The following TPRG1 variants were observed in gnomAD, a reference collection of about 807,000 sequenced individuals.
The protein encoded by TPRG1 is tumor protein p63 regulated 1, also known as tumor protein p63-regulated gene 1 protein.
TPRG1 carries 29 observed loss-of-function variants against 29.3 expected under a neutral mutation model. That is an observed-to-expected ratio of 0.99 (90% CI 0.74 to 1.35). The LOEUF (loss-of-function observed/expected upper bound fraction) is 1.35. Among genes scored for constraint, TPRG1 ranks in the 40% most tolerant of loss-of-function variants. The pLI, the probability that TPRG1 is intolerant of heterozygous loss-of-function variation, is 0.00. For synonymous variants in TPRG1, 130 were observed against 116.8 expected, an observed-to-expected ratio of 1.11 and a Z score of -0.73; for missense variants, 327 against 335.0, an observed-to-expected ratio of 0.98 and a Z score of 0.19.
intron 4 of TPRG1, among the ~76,000 whole-genome samples, chr3:189,051,068 T>A (rs1715288145): frequency 6.6e-6 from 1 of 152,142 alleles, no homozygotes; most frequent in African/African-American, 2.4e-5. Context: ...AACATAGTAC[T>A]GGAAGTCCTA....
intron 1 of TPRG1, among the ~76,000 whole-genome samples, chr3:189,199,285 A>G (rs755866713): frequency 6.6e-6 from 1 of 152,236 alleles, no homozygotes; most frequent in African/African-American, 2.4e-5. Flanking sequence ...ACATGATGAT[A>G]TGGGGAAAAC....
chr3:189,207,119 T>G, intron 1 of TPRG1: 2 of 959,338 alleles, frequency 2.1e-6, no homozygotes. Flanking sequence ...GGTTCCTGTC[T>G]CCTGGGATTA....
At chr3:189,139,651 T>G (rs995953455) in intron 3 of TPRG1, among the ~76,000 whole-genome samples, 1 of 151,928 alleles carries the variant, frequency 6.6e-6, no homozygotes, top group Admixed American at 6.6e-5. Context: ...CTCCTTGGCA[T>G]TCTATCAGCT....
intron 1 of TPRG1, among the ~76,000 whole-genome samples, chr3:189,109,392 A>G (rs1307315506): frequency 6.6e-6 from 1 of 152,212 alleles, no homozygotes. Context: ...GTAATCGCTC[A>G]TATGTCCTGG....
intron 4 of TPRG1, among the ~76,000 whole-genome samples, chr3:189,301,522 T>C (rs1030869806): frequency 1.3e-5 from 2 of 152,120 alleles, no homozygotes; most frequent in Non-Finnish European, 2.9e-5. Flanking sequence ...GCAACCATCA[T>C]TGAATCTGTT....
At chr3:189,099,347 A>G (rs1175645871), upstream of TPRG1, among the ~76,000 whole-genome samples, 1 of 152,008 alleles carries the variant, frequency 6.6e-6, no homozygotes, top group East Asian at 1.9e-4. Flanking sequence ...TCTTGCGCTG[A>G]CGAAGTGGAT....
At chr3:189,250,472 T>C (rs968718963) in intron 4 of TPRG1, among the ~76,000 whole-genome samples, 2 of 142,276 alleles carry the variant, frequency 1.4e-5, no homozygotes, top group Admixed American at 7.8e-5. Flanking sequence ...ATGTGCCTCA[T>C]AGATTTCAGG....
At chr3:189,261,857 C>T (rs910818268) in intron 4 of TPRG1, among the ~76,000 whole-genome samples, 2 of 152,082 alleles carry the variant, frequency 1.3e-5, no homozygotes, top group East Asian at 3.9e-4. Context: ...AAGCTAATGC[C>T]CAACTAGTGT....
intron 3 of TPRG1, among the ~76,000 whole-genome samples, chr3:189,006,727 T>G (rs1712306754): frequency 6.6e-6 from 1 of 152,068 alleles, no homozygotes; most frequent in Admixed American, 6.6e-5. Context: ...AAAAATGTAG[T>G]AATTTCTTTA....
chr3:189,119,030 A>C (rs1721515183), intron 1 of TPRG1, among the ~76,000 whole-genome samples: 1 of 152,236 alleles, frequency 6.6e-6, no homozygotes, highest in Non-Finnish European at 1.5e-5. Context: ...AGCCACAGGC[A>C]CTCAGTGGCA....
At chr3:189,265,204 G>A (rs1448188232) in intron 4 of TPRG1, among the ~76,000 whole-genome samples, 1 of 152,158 alleles carries the variant, frequency 6.6e-6, no homozygotes, top group African/African-American at 2.4e-5. Context: ...CAGGATCTTA[G>A]TATGGTTGTC....
At chr3:189,207,189 G>A (rs1734522667) in intron 1 of TPRG1, 187 bp from the exon 2 acceptor site, 1 of 984,236 alleles carries the variant, frequency 1.0e-6, no homozygotes, top group Non-Finnish European at 1.2e-6. Flanking sequence ...GACCTTGCAG[G>A]ATTGTGGATG....
chr3:189,234,360 A>G (rs1388829811), intron 3 of TPRG1, among the ~76,000 whole-genome samples: 5 of 152,252 alleles, frequency 3.3e-5, no homozygotes, highest in Non-Finnish European at 7.3e-5. Flanking sequence ...ACTCTGGCAA[A>G]TAAAAGCATA....
intron 5 of TPRG1, among the ~76,000 whole-genome samples, chr3:189,319,832 G>C (rs1724095642): frequency 6.6e-6 from 1 of 152,062 alleles, no homozygotes; most frequent in Non-Finnish European, 1.5e-5. Flanking sequence ...TTGATCACTA[G>C]ACTTCTGTCT....
chr3:189,288,477 A>G (rs910742366), intron 4 of TPRG1, among the ~76,000 whole-genome samples: 4 of 152,214 alleles, frequency 2.6e-5, no homozygotes, highest in Non-Finnish European at 5.9e-5. Flanking sequence ...CTTGTTTTTT[A>G]AAGGTGCAAA....
At chr3:189,033,328 C>T (rs551821342) in intron 4 of TPRG1, among the ~76,000 whole-genome samples, 1 of 151,832 alleles carries the variant, frequency 6.6e-6, no homozygotes, top group Admixed American at 6.6e-5. Context: ...TTCACCCATG[C>T]CGGAGTGCAG....
At chr3:189,189,520 G>A (rs1731401733) in intron 1 of TPRG1, among the ~76,000 whole-genome samples, 1 of 151,792 alleles carries the variant, frequency 6.6e-6, no homozygotes, top group South Asian at 2.1e-4. Flanking sequence ...GAGATGATGA[G>A]TAAAAAAAAA....
In TPRG1 at chr3:189,214,996, A is replaced by T. The variant is rs578170742; in HGVS notation, c.211-296A>T. On this transcript the variant is annotated intron_variant, in intron 2 of 5. Coordinates refer to ENST00000345063, the MANE Select transcript of TPRG1 (RefSeq NM_198485.4). ...CAGATTCCTAAAGGCTTTGAACTTT[A>T]TAATGCTTGTTTGGGAAAACTGTTC... is the stretch of plus-strand genomic sequence containing the variant. Among the ~76,000 whole-genome samples the T allele has an allele frequency of 1.8e-4, 28 of 152,068 alleles. No homozygotes were observed. The South Asian group carries it at 5.8e-3, about 32-fold the overall frequency.
intron 3 of TPRG1, among the ~76,000 whole-genome samples, chr3:189,147,239 C>G (rs998235749): frequency 2.0e-5 from 3 of 152,176 alleles, no homozygotes; most frequent in African/African-American, 7.2e-5. Flanking sequence ...AAGAGACTTG[C>G]TTAGTTAAAA....
Sources: gnomAD v4.1 joint callset for allele counts (sites outside exome capture counted in the v4.1 genomes callset) on GRCh38, gnomAD v4.1.1 for gene constraint, MANE v1.5 for transcripts, NCBI Gene and HGNC (gene_info 2026-07-23, HGNC 2026-07-21) for gene names.